RABEP1: variants seen among roughly 807,000 people sequenced by gnomAD.
RABEP1 encodes the protein rab GTPase-binding effector protein 1.
A neutral mutation model predicts 123.4 loss-of-function variants in RABEP1; 51 were observed. The observed-to-expected ratio is 0.41, with a 90% CI of 0.33 to 0.52. The LOEUF is 0.52. Ranked by LOEUF, RABEP1 falls within the 20% of genes least tolerant of loss-of-function variation. The pLI, the probability that RABEP1 is intolerant of heterozygous loss-of-function variation, is 0.16. For synonymous variants in RABEP1, 347 were observed against 355.2 expected (o/e 0.98, Z 0.26); for missense variants, 888 against 996.3 (o/e 0.89, Z 1.46).
intron 2 of RABEP1, among the ~76,000 whole-genome samples, chr17:5,321,306 G>A (rs879802414): frequency 2.0e-5 from 3 of 152,192 alleles, no homozygotes; most frequent in Non-Finnish European, 4.4e-5. Flanking sequence ...AGCCAGATGT[G>A]GTGGCATGTG....
At chr17:5,350,771 A>G in intron 7 of RABEP1, 142 bp downstream of exon 7, 1 of 910,066 alleles carries the variant, frequency 1.1e-6, no homozygotes, top group Non-Finnish European at 1.6e-6. Flanking sequence ...TAAAAACATA[A>G]CAGCTACATT....
intron 1 of RABEP1, among the ~76,000 whole-genome samples, chr17:5,302,930 C>A (rs2075148684): frequency 2.0e-5 from 3 of 152,006 alleles, no homozygotes; most frequent in Admixed American, 6.5e-5. Context: ...TATTTTAAGA[C>A]CATTAAATTA....
rs1198862540 is a variant in RABEP1 at position 5,383,731 on chromosome 17, T to TG, written c.*509dup. The TG allele has an allele frequency of 1.1e-5, 1 of 87,132 alleles. No individual in the cohort carries two copies. Among genetic ancestry groups the TG allele is most frequent in the African/African-American group, 1.2e-4 (1 of 8,220 alleles). The allele number at this position is 87,132 out of a possible 1,614,324, so 5.4% of individuals were successfully genotyped here. A position where few individuals can be genotyped will look rare whatever the true frequency, so the allele number is the denominator to read the frequency against. On this transcript the variant is annotated 3_prime_UTR_variant, in exon 18 of 18. Coordinates refer to ENST00000537505, the MANE Select transcript of RABEP1 (RefSeq NM_004703.6). ...GGTTTGAGAGCAGGCCATTGGCTACTGACTGTATTTTGTTTTCCTTTTACC... is the reference window on the plus strand; with the variant it reads ...GGTTTGAGAGCAGGCCATTGGCTACTGGACTGTATTTTGTTTTCCTTTTACC...
rs2074935179 is a variant in RABEP1 at position 5,282,533 on chromosome 17, C to T, written c.34+13C>T. 8.3e-7 allele frequency: 1 copy of T among 1,205,062 alleles called. No individual in the cohort carries two copies. The allele number at this position is 1,205,062 out of a possible 1,614,324, so 74.6% of individuals were successfully genotyped here. On this transcript the variant is annotated intron_variant, in intron 1 of 17. Coordinates refer to ENST00000537505, the MANE Select transcript of RABEP1 (RefSeq NM_004703.6). ...TCCCAGCCTGACGGTGAGGCGCCCA[C>T]CATGGCAGGCGCGGCGGGCGCGGCC... is the stretch of plus-strand genomic sequence containing the variant.
At chr17:5,297,289 A>G (rs944915430) in intron 1 of RABEP1, among the ~76,000 whole-genome samples, 2 of 152,180 alleles carry the variant, frequency 1.3e-5, no homozygotes, top group Non-Finnish European at 2.9e-5. Context: ...AAAAACCCCA[A>G]AACCTAACAG....
At chr17:5,352,158 C>T (rs770959610) in intron 7 of RABEP1, among the ~76,000 whole-genome samples, 9 of 150,628 alleles carry the variant, frequency 6.0e-5, no homozygotes, top group East Asian at 1.9e-4. Flanking sequence ...TGGACTCATT[C>T]GTCTTGTGTG....
chr17:5,378,091 TGG>T, intron 14 of RABEP1, 84 bp from the exon 15 acceptor site: 1 of 1,012,592 alleles, frequency 9.9e-7, no homozygotes, highest in Non-Finnish European at 1.5e-6. Context: ...TTGAATCCTT[TGG>T]GGGGTGCTCT....
intron 7 of RABEP1, 94 bp from the exon 8 acceptor site, chr17:5,354,265 G>A (rs1908820365): frequency 1.0e-5 from 12 of 1,189,742 alleles, no homozygotes; most frequent in Middle Eastern, 2.5e-4. Context: ...TTATCATAAC[G>A]CTCTGTTCTT....
Position 5,373,305 on chromosome 17 carries a change from C to G in RABEP1, c.1885-9C>G. 2 of 1,609,944 alleles carry G rather than the reference C, an allele frequency of 1.2e-6. No homozygotes were observed. Among genetic ancestry groups the G allele is most frequent in the Non-Finnish European group, 8.5e-7 (1 of 1,178,226 alleles). ...TTCTGGCTGTGATTAGTATCTACTT[C>G]TATTTTAGGCGGTGCTGATGCAGTC... is the stretch of plus-strand genomic sequence containing the variant. On this transcript the variant is annotated splice_polypyrimidine_tract_variant and intron_variant, in intron 12 of 17. Coordinates refer to ENST00000537505, the MANE Select transcript of RABEP1 (RefSeq NM_004703.6).
intron 1 of RABEP1, among the ~76,000 whole-genome samples, chr17:5,285,955 A>G (rs1329797773): frequency 1.3e-5 from 2 of 152,236 alleles, no homozygotes; most frequent in African/African-American, 2.4e-5. Context: ...TTATTTTATA[A>G]GCAGTGTTGT....
chr17:5,308,489 G>A (rs1487600002), intron 1 of RABEP1, among the ~76,000 whole-genome samples: 1 of 152,180 alleles, frequency 6.6e-6, no homozygotes, highest in Admixed American at 6.5e-5. Flanking sequence ...GCCTCCCAAA[G>A]TGCTGGGATT....
In RABEP1 at chr17:5,377,404, T is replaced by A. The variant is rs986840418; in HGVS notation, c.2215+99T>A. The A allele has an allele frequency of 2.3e-5, 21 of 925,762 alleles. No individual in the cohort carries two copies. The Middle Eastern group carries it at 1.0e-3, about 45-fold the overall frequency. 57.3% of individuals were successfully genotyped at this position (925,762 alleles called of 1,614,324 possible). A position where few individuals can be genotyped will look rare whatever the true frequency, so the allele number is the denominator to read the frequency against. On this transcript the variant is annotated intron_variant, in intron 14 of 17. Transcript: ENST00000537505. ...CATGGAGTCTGGAACACAGAAAAGC[T>A]TAGGAAAGAATTTAGTAAGGACTCA...
At chr17:5,287,621 A>C (rs890762645) in intron 1 of RABEP1, among the ~76,000 whole-genome samples, 9 of 139,228 alleles carry the variant, frequency 6.5e-5, no homozygotes, top group Admixed American at 3.0e-4. Context: ...AAAAAAAAAA[A>C]AACCCAAAAC....
chr17:5,383,816 T>C lies in RABEP1; in HGVS notation c.*593T>C, dbSNP rs1257137810. The C allele has an allele frequency of 4.5e-6, 1 of 224,400 alleles. No individual in the cohort carries two copies. Among genetic ancestry groups the C allele is most frequent in the Non-Finnish European group, 8.9e-6 (1 of 112,676 alleles). 13.9% of individuals were successfully genotyped at this position (224,400 alleles called of 1,614,324 possible). ...GCTACTGAAACTTACCTGAGAACCA[T>C]AGGACTGTGGCAAACAAAACCAATT... is the stretch of plus-strand genomic sequence containing the variant. On this transcript the variant is annotated 3_prime_UTR_variant, in exon 18 of 18. Coordinates refer to ENST00000537505, the MANE Select transcript of RABEP1 (RefSeq NM_004703.6).
intron 13 of RABEP1, among the ~76,000 whole-genome samples, chr17:5,373,785 T>G (rs1597294991): frequency 6.7e-6 from 1 of 149,602 alleles, no homozygotes; most frequent in Non-Finnish European, 1.5e-5. Flanking sequence ...TTCCCCCTCC[T>G]CCCCTAGCCT....
intron 1 of RABEP1, among the ~76,000 whole-genome samples, chr17:5,302,171 A>G (rs956802150): frequency 7.2e-5 from 11 of 152,012 alleles, no homozygotes; most frequent in Admixed American, 7.2e-4. Flanking sequence ...AGATACTAGA[A>G]AATCTGCTCT....
intron 5 of RABEP1, among the ~76,000 whole-genome samples, chr17:5,342,400 G>A (rs1463066452): frequency 6.6e-6 from 1 of 152,142 alleles, no homozygotes; most frequent in Non-Finnish European, 1.5e-5. Context: ...CACTTTAGGA[G>A]GCCAAGGTAG....
intron 1 of RABEP1, among the ~76,000 whole-genome samples, chr17:5,300,448 A>G (rs541810257): frequency 1.2e-3 from 188 of 152,346 alleles, no homozygotes; most frequent in Non-Finnish European, 2.1e-3. Context: ...TACATGGCTT[A>G]TCAGTGATGT....
chr17:5,314,619 C>T (rs931383775), intron 2 of RABEP1, among the ~76,000 whole-genome samples: 4 of 150,584 alleles, frequency 2.7e-5, no homozygotes, highest in Non-Finnish European at 5.9e-5. Flanking sequence ...CCTGGCTTCA[C>T]GCCATTCTCC....
Sources: gnomAD v4.1 joint callset for allele counts (sites outside exome capture counted in the v4.1 genomes callset) on GRCh38, gnomAD v4.1.1 for gene constraint, MANE v1.5 for transcripts, NCBI Gene and HGNC (gene_info 2026-07-23, HGNC 2026-07-21) for gene names.